RFWD3: variants seen among roughly 807,000 people sequenced by gnomAD.
The protein encoded by RFWD3 is ring finger and WD repeat domain 3.
A neutral mutation model predicts 87.7 loss-of-function variants in RFWD3; 65 were observed. That is an observed-to-expected ratio of 0.74 (90% CI 0.61 to 0.91). RFWD3 has a LOEUF of 0.91. Ranked by LOEUF, RFWD3 falls within the 40% of genes least tolerant of loss-of-function variation. The pLI, the probability that RFWD3 is intolerant of heterozygous loss-of-function variation, is 0.00. For synonymous variants in RFWD3, 433 were observed against 352.8 expected, an observed-to-expected ratio of 1.23 and a Z score of -2.55; for missense variants, 1,078 against 938.5, an observed-to-expected ratio of 1.15 and a Z score of -1.94.
At chr16:74,643,384 C>T (rs540250680) in intron 6 of RFWD3, among the ~76,000 whole-genome samples, 4 of 152,280 alleles carry the variant, frequency 2.6e-5, no homozygotes, top group African/African-American at 9.6e-5. Flanking sequence ...CATACACCAC[C>T]GTTCATTCAA....
chr16:74,640,043 G>A (rs1431231917), intron 6 of RFWD3, among the ~76,000 whole-genome samples: 1 of 151,888 alleles, frequency 6.6e-6, no homozygotes, highest in Non-Finnish European at 1.5e-5. Flanking sequence ...GTATGTATAA[G>A]AAAAAACATA....
chr16:74,661,305 C>A lies in RFWD3; in HGVS notation c.145G>T (p.Val49Leu), dbSNP rs151061145. ...VPADVVSSQG[V>L]PSILQPAPAE... Reference sequence around the variant, plus strand: ...GGAGCTGGCTGGAGGATGGATGGTACCCCCTGGCTGCTGACCACATCAGCA... The same window carrying A: ...GGAGCTGGCTGGAGGATGGATGGTAACCCCTGGCTGCTGACCACATCAGCA... Residue 49 changes from valine to leucine, a missense_variant, in exon 2 of 13, where the codon GTA becomes TTA. Physicochemically the swap from Val to Leu is conservative, Grantham distance 32. Transcript: ENST00000361070. 2 of 1,613,878 alleles carry A rather than the reference C, an allele frequency of 1.2e-6. No individual in the cohort carries two copies. The highest frequency in any genetic ancestry group is 1.3e-5 in the African/African-American group (1 of 74,874).
chr16:74,628,449 T>C lies in RFWD3; in HGVS notation c.1969+3A>G, dbSNP rs2144039307. Reference sequence around the variant, plus strand: ...AGCTATGGGAGACCCCAGCACTACTTACCAGGCCTGTAGGTCACAAGACAG... The same window carrying C: ...AGCTATGGGAGACCCCAGCACTACTCACCAGGCCTGTAGGTCACAAGACAG... On this transcript the variant is annotated splice_donor_region_variant and intron_variant, in intron 11 of 12. Coordinates refer to ENST00000361070, the MANE Select transcript of RFWD3 (RefSeq NM_018124.4). The C allele has an allele frequency of 6.2e-7, 1 of 1,613,890 alleles. No individual in the cohort carries two copies. The highest frequency in any genetic ancestry group is 1.7e-4 in the Middle Eastern group (1 of 6,018).
chr16:74,652,261 T>A, intron 2 of RFWD3, 139 bp from the exon 3 acceptor site: 1 of 724,788 alleles, frequency 1.4e-6, no homozygotes, highest in Non-Finnish European at 2.3e-6. Context: ...CTGAAGCAGG[T>A]ATAGCAGATA....
intron 4 of RFWD3, among the ~76,000 whole-genome samples, chr16:74,646,024 A>C (rs1960112482): frequency 6.6e-6 from 1 of 152,120 alleles, no homozygotes; most frequent in Non-Finnish European, 1.5e-5. Flanking sequence ...CAGGGATTAC[A>C]GACGTGAGCC....
At position 74,623,969 on chromosome 16, in the gene RFWD3, T is replaced by C. The variant is rs1211886877; in HGVS notation, c.2284A>G (p.Thr762Ala). ...FEVNRNSYLA[T>A]LTEKMVHIYK... ...ATGTGGACCATCTTCTCTGTTAAGG[T>C]AGCCAAGTAGCTGTTACGGTTCACC... The change falls in exon 13 of 13, where the codon ACC becomes GCC. Residue 762 changes from threonine (T) to alanine (A), a missense_variant. Transcript: ENST00000361070. 3.7e-6 allele frequency: 6 copies of C among 1,614,120 alleles called. No individual in the cohort carries two copies. The highest frequency in any genetic ancestry group is 5.1e-6 in the Non-Finnish European group (6 of 1,180,014).
chr16:74,621,819 C>T lies in RFWD3; in HGVS notation c.*2109G>A, dbSNP rs1459826812. The T allele has an allele frequency of 1.3e-5, 2 of 152,184 alleles. No individual in the cohort carries two copies. The highest frequency in any genetic ancestry group is 4.8e-5 in the African/African-American group (2 of 41,386). 9.4% of individuals were successfully genotyped at this position (152,184 alleles called of 1,614,324 possible). A position where few individuals can be genotyped will look rare whatever the true frequency, so the allele number is the denominator to read the frequency against. Reference sequence around the variant, plus strand: ...AAGCAATTCTCCTGCCTCAGCCTCCCAAGTAGCTGGGACTACAGGCATGCG... The same window carrying T: ...AAGCAATTCTCCTGCCTCAGCCTCCTAAGTAGCTGGGACTACAGGCATGCG... On this transcript the variant is annotated 3_prime_UTR_variant, in exon 13 of 13. Coordinates refer to ENST00000361070, the MANE Select transcript of RFWD3 (RefSeq NM_018124.4).
chr16:74,650,998 G>GT (rs11414908), intron 3 of RFWD3, among the ~76,000 whole-genome samples: 89,750 of 152,040 alleles, frequency 0.59, 27,735 homozygotes, highest in African/African-American at 0.77. Flanking sequence ...TTATTTACTA[G>GT]TTTTTGGAGT....
intron 4 of RFWD3, among the ~76,000 whole-genome samples, chr16:74,645,778 A>G: frequency 8.4e-6 from 1 of 119,288 alleles, no homozygotes; most frequent in South Asian, 2.6e-4. Context: ...TTTGAGACAG[A>G]CTCTCGCTCT....
chr16:74,666,522 G>A (rs374347205), intron 1 of RFWD3: 1 of 152,162 alleles, frequency 6.6e-6, no homozygotes, highest in African/African-American at 2.4e-5. Context: ...CAGCGAACTC[G>A]GCTCCTTCAG....
intron 2 of RFWD3, among the ~76,000 whole-genome samples, chr16:74,658,415 G>C (rs1373084664): frequency 6.6e-6 from 1 of 152,206 alleles, no homozygotes; most frequent in Non-Finnish European, 1.5e-5. Flanking sequence ...CCATAGCTTT[G>C]GCTTCTTGGC....
intron 12 of RFWD3, among the ~76,000 whole-genome samples, chr16:74,625,475 C>A (rs1958903837): frequency 6.6e-6 from 1 of 151,200 alleles, no homozygotes; most frequent in Non-Finnish European, 1.5e-5. Flanking sequence ...GATTGCGCCT[C>A]TGCACTCCAG....
At chr16:74,641,159 A>AGAT (rs1491117181) in intron 6 of RFWD3, among the ~76,000 whole-genome samples, 2 of 152,160 alleles carry the variant, frequency 1.3e-5, no homozygotes, top group Non-Finnish European at 2.9e-5. Context: ...AAACACAAAC[A>AGAT]GATAATTTTT....
At chr16:74,630,213 G>A (rs961937355) in intron 10 of RFWD3, among the ~76,000 whole-genome samples, 4 of 151,944 alleles carry the variant, frequency 2.6e-5, no homozygotes, top group African/African-American at 7.3e-5. Context: ...CTTCTGCCTC[G>A]GCCTTCTGAG....
chr16:74,623,649 A>C lies in RFWD3; in HGVS notation c.*279T>G, dbSNP rs1958831116. 3.5e-6 allele frequency: 1 copy of C among 285,558 alleles called. No individual in the cohort carries two copies. Among genetic ancestry groups the C allele is most frequent in the Admixed American group, 5.1e-5 (1 of 19,598 alleles). The allele number at this position is 285,558 out of a possible 1,614,324, so 17.7% of individuals were successfully genotyped here. On this transcript the variant is annotated 3_prime_UTR_variant, in exon 13 of 13. Transcript: ENST00000361070. The stretch of plus-strand genomic sequence containing the variant: ...AAGTCACACAGAAAATAAAGAAAAT[A>C]AGAATTTCCAACATACAATAATGGT...
At chr16:74,632,785 G>A in intron 8 of RFWD3, 112 bp from the exon 9 acceptor site, 1 of 921,288 alleles carries the variant, frequency 1.1e-6, no homozygotes, top group Non-Finnish European at 1.6e-6. Flanking sequence ...TAAGTCCTTG[G>A]GAACCAGCTG....
Position 74,628,540 on chromosome 16 carries a change from C to G in RFWD3, c.1881G>C (p.Trp627Cys), listed in dbSNP as rs963148073. 1 of 1,614,048 alleles carries G rather than the reference C, an allele frequency of 6.2e-7. No individual in the cohort carries two copies. Among genetic ancestry groups the G allele is most frequent in the African/African-American group, 1.3e-5 (1 of 74,910 alleles). Reference protein sequence around the residue: ...FWEQKMDFSHWPHVLPLEPGG... With the variant: ...FWEQKMDFSHCPHVLPLEPGG... ...CTGGCTCCAAGGGCAGCACATGAGG[C>G]CAATGAGAAAAGTCCATTTTCTGTT... Residue 627 changes from tryptophan (W) to cysteine (C), a missense_variant, in exon 11 of 13, where the codon TGG becomes TGC. Physicochemically the swap from Trp to Cys is radical, Grantham distance 215. Coordinates refer to ENST00000361070, the MANE Select transcript of RFWD3 (RefSeq NM_018124.4).
chr16:74,660,991 CCTT>C lies in RFWD3; in HGVS notation c.456_458del (p.Arg154del), dbSNP rs1338151030. On this transcript the variant is annotated inframe_deletion, in exon 2 of 13. Coordinates refer to ENST00000361070, the MANE Select transcript of RFWD3 (RefSeq NM_018124.4). ...TTGCCCTCCGTGAAGCAGATACCCT[CCTT>C]CTTGTTCTCATTGGCCCTACACTGT... 28 of 1,614,074 alleles carry C rather than the reference CCTT, an allele frequency of 1.7e-5. No individual in the cohort carries two copies. The highest frequency in any genetic ancestry group is 2.4e-5 in the Non-Finnish European group (28 of 1,180,034).
chr16:74,666,164 ATAGAT>A (rs1409027670), intron 1 of RFWD3: 8 of 145,024 alleles, frequency 5.5e-5, no homozygotes, highest in Non-Finnish European at 1.2e-4. Context: ...AAAGACATAG[ATAGAT>A]TAGATAGACA....
Sources: gnomAD v4.1 joint callset for allele counts (sites outside exome capture counted in the v4.1 genomes callset) on GRCh38, gnomAD v4.1.1 for gene constraint, MANE v1.5 for transcripts, NCBI Gene and HGNC (gene_info 2026-07-23, HGNC 2026-07-21) for gene names.